RASGRP3: variants seen among roughly 807,000 people sequenced by gnomAD.
RASGRP3 encodes the protein ras guanyl-releasing protein 3.
RASGRP3 carries 54 observed loss-of-function variants against 82.7 expected under a neutral mutation model. The ratio of observed to expected loss-of-function variants is 0.65; its 90% confidence interval spans 0.52 to 0.82. RASGRP3 has a LOEUF of 0.82. Among genes scored for constraint, RASGRP3 ranks in the 40% least tolerant of loss-of-function variants. The pLI is 0.00. For synonymous variants in RASGRP3, 309 were observed against 300.5 expected, an observed-to-expected ratio of 1.03 and a Z score of -0.29; for missense variants, 861 against 828.9, an observed-to-expected ratio of 1.04 and a Z score of -0.48.
In RASGRP3 at chr2:33,558,874, G is replaced by A. The variant is rs867905331; in HGVS notation, c.1908G>A (p.Met636Ile). The change falls in exon 17 of 18, where the codon ATG becomes ATA. Residue 636 changes from methionine (M) to isoleucine (I), a missense_variant. Transcript: ENST00000403687. ...GDSGSHTFPK[M>I]KSKFHDKAAK... ...CGGGGTCCCACACCTTCCCTAAAAT[G>A]AAATCCAAGTTCCATGACAAAGCAG... The A allele has an allele frequency of 1.2e-6, 2 of 1,613,980 alleles. No individual in the cohort carries two copies. Among genetic ancestry groups the A allele is most frequent in the Non-Finnish European group, 1.7e-6 (2 of 1,179,884 alleles).
rs781160574 is a variant in RASGRP3 at position 33,555,613 on chromosome 2, G to A, written c.1579+46G>A. The A allele has an allele frequency of 2.0e-5, 30 of 1,466,950 alleles. No individual in the cohort carries two copies. The East Asian group carries it at 6.6e-4, about 32-fold the overall frequency. 90.9% of individuals were successfully genotyped at this position (1,466,950 alleles called of 1,614,324 possible). Reference sequence around the variant, plus strand: ...TACAATTTTTAAAATGTGACATTTTGGGTAAGAATCAAATTTGTCTGGTTA... The same window carrying A: ...TACAATTTTTAAAATGTGACATTTTAGGTAAGAATCAAATTTGTCTGGTTA... On this transcript the variant is annotated intron_variant, in intron 15 of 17. Coordinates refer to ENST00000403687, the MANE Select transcript of RASGRP3 (RefSeq NM_001139488.2).
intron 1 of RASGRP3, among the ~76,000 whole-genome samples, chr2:33,445,240 C>T (rs1052268858): frequency 1.3e-5 from 2 of 152,170 alleles, no homozygotes; most frequent in African/African-American, 4.8e-5. Context: ...AATCAGAAGA[C>T]ACTGTAGGTT....
At chr2:33,464,110 A>ATTATTATTATT (rs1558406230) in intron 2 of RASGRP3, among the ~76,000 whole-genome samples, 24 of 144,260 alleles carry the variant, frequency 1.7e-4, no homozygotes, top group African/African-American at 6.0e-4. Flanking sequence ...TAATAATAAT[A>ATTATTATTATT]ATTATTATTA....
At chr2:33,527,578 T>C (rs1672703828) in intron 10 of RASGRP3, among the ~76,000 whole-genome samples, 166 bp downstream of exon 10, 1 of 152,194 alleles carries the variant, frequency 6.6e-6, no homozygotes, top group Admixed American at 6.5e-5. Flanking sequence ...CCCTGATTAA[T>C]ATTTTCCATA....
chr2:33,465,743 A>G (rs1386319668), intron 2 of RASGRP3, among the ~76,000 whole-genome samples: 1 of 152,224 alleles, frequency 6.6e-6, no homozygotes, highest in Non-Finnish European at 1.5e-5. Flanking sequence ...TCTGGCTTCA[A>G]AGCATGAAAG....
At chr2:33,459,130 C>T (rs1481861067) in intron 2 of RASGRP3, among the ~76,000 whole-genome samples, 4 of 152,008 alleles carry the variant, frequency 2.6e-5, no homozygotes, top group Non-Finnish European at 4.4e-5. Context: ...GGACATTTCT[C>T]GGACTTTTTT....
At chr2:33,541,009 G>A (rs1238160244) in intron 12 of RASGRP3, among the ~76,000 whole-genome samples, 2 of 146,698 alleles carry the variant, frequency 1.4e-5, no homozygotes, top group African/African-American at 4.9e-5. Flanking sequence ...CAGGGCAATA[G>A]CGATAGATAG....
intron 7 of RASGRP3, 92 bp downstream of exon 7, chr2:33,522,194 C>T: frequency 7.2e-7 from 1 of 1,391,742 alleles, no homozygotes; most frequent in South Asian, 1.4e-5. Context: ...GTGTTGGCAG[C>T]TTCTATCACT....
intron 1 of RASGRP3, chr2:33,481,313 C>T (rs1166340224): frequency 2.6e-5 from 4 of 152,216 alleles, no homozygotes; most frequent in Admixed American, 2.6e-4. Context: ...AGGTGCCCAC[C>T]ACCACGCCTG....
intron 1 of RASGRP3, among the ~76,000 whole-genome samples, chr2:33,509,984 G>T (rs772050528): frequency 1.3e-5 from 2 of 152,136 alleles, no homozygotes; most frequent in Admixed American, 6.5e-5. Context: ...GTGATAAAGA[G>T]AAATTAAGTT....
intron 1 of RASGRP3, among the ~76,000 whole-genome samples, chr2:33,504,849 A>G (rs1350046653): frequency 6.6e-6 from 1 of 152,188 alleles, no homozygotes; most frequent in African/African-American, 2.4e-5. Flanking sequence ...GCAGTTGTTA[A>G]AAATGCCTTC....
At chr2:33,491,130 A>G (rs1041419618) in intron 1 of RASGRP3, among the ~76,000 whole-genome samples, 8 of 151,320 alleles carry the variant, frequency 5.3e-5, no homozygotes, top group Non-Finnish European at 1.0e-4. Flanking sequence ...AGCCTGGCCA[A>G]CATAGGGAAA....
At chr2:33,437,903 C>T (rs1446919377) in intron 1 of RASGRP3, among the ~76,000 whole-genome samples, 1 of 152,112 alleles carries the variant, frequency 6.6e-6, no homozygotes, top group East Asian at 1.9e-4. Flanking sequence ...AACAAACCCT[C>T]AGCATTTATT....
At chr2:33,468,264 A>T (rs1458657728) in intron 2 of RASGRP3, among the ~76,000 whole-genome samples, 1 of 152,144 alleles carries the variant, frequency 6.6e-6, no homozygotes, top group Non-Finnish European at 1.5e-5. Flanking sequence ...ACTATTAAAA[A>T]TTTGATATAT....
At chr2:33,556,711 C>A (rs903694558) in intron 15 of RASGRP3, among the ~76,000 whole-genome samples, 1 of 152,068 alleles carries the variant, frequency 6.6e-6, no homozygotes, top group Non-Finnish European at 1.5e-5. Context: ...AAAAAGCTTC[C>A]CAAATCTCAA....
chr2:33,500,406 C>T (rs1009202149), intron 1 of RASGRP3, among the ~76,000 whole-genome samples: 5 of 151,954 alleles, frequency 3.3e-5, no homozygotes, highest in East Asian at 1.9e-4. Flanking sequence ...TGAGCCATTG[C>T]GGTGGGCCAG....
In RASGRP3 at chr2:33,540,696, C is replaced by T. The variant is rs555292576; in HGVS notation, c.1278+1486C>T. ...CTTCCCTTTTCTCCAAATTCCTTAC[C>T]ATTGGTTCAGTCAAATAAAAGACCA... On this transcript the variant is annotated intron_variant, in intron 12 of 17. Coordinates refer to ENST00000403687, the MANE Select transcript of RASGRP3 (RefSeq NM_001139488.2). Among the ~76,000 whole-genome samples, 4 of 141,866 alleles carry T rather than the reference C, an allele frequency of 2.8e-5. No individual in the cohort carries two copies. In the South Asian group the frequency reaches 9.3e-4, roughly 33 times the overall value. The allele number at this position is 141,866 out of a possible 152,430, so 93.1% of individuals were successfully genotyped here.
intron 12 of RASGRP3, chr2:33,540,001 GAA>G (rs1280321596): frequency 3.6e-5 from 1 of 27,886 alleles, no homozygotes; most frequent in Non-Finnish European, 9.9e-5. Flanking sequence ...AAAAAAAAAA[GAA>G]AAGAAAAGAA....
At chr2:33,451,651 GT>G (rs1299575746) in intron 2 of RASGRP3, among the ~76,000 whole-genome samples, 7 of 151,976 alleles carry the variant, frequency 4.6e-5, no homozygotes, top group Admixed American at 2.6e-4. Flanking sequence ...TGCTTTCAAA[GT>G]TTTTTCTTTG....
Sources: gnomAD v4.1 joint callset for allele counts (sites outside exome capture counted in the v4.1 genomes callset) on GRCh38, gnomAD v4.1.1 for gene constraint, MANE v1.5 for transcripts, NCBI Gene and HGNC (gene_info 2026-07-23, HGNC 2026-07-21) for gene names.